CBARP: variants seen among roughly 807,000 people sequenced by gnomAD.
CBARP encodes the protein CACN subunit beta associated regulatory protein, also known as voltage-dependent calcium channel beta subunit-associated regulatory protein.
CBARP carries 24 observed loss-of-function variants against 36.3 expected under a neutral mutation model. The observed-to-expected ratio is 0.66, with a 90% CI of 0.48 to 0.93. CBARP has a LOEUF of 0.93. CBARP is among the 40% of genes least tolerant of loss of function. The pLI is 0.00. For synonymous variants in CBARP, 586 were observed against 453.2 expected (o/e 1.29, Z -3.72); for missense variants, 1,146 against 980.4 (o/e 1.17, Z -2.26).
chr19:1,229,478 C>T lies in CBARP; in HGVS notation c.1819G>A (p.Gly607Ser), dbSNP rs1177060018. 6.1e-6 allele frequency: 6 copies of T among 978,910 alleles called. No homozygotes were observed. The highest frequency in any genetic ancestry group is 3.5e-5 in the African/African-American group (2 of 56,456). The allele number at this position is 978,910 out of a possible 1,614,324, so 60.6% of individuals were successfully genotyped here. ...GGCGCACGCGCGGGTCGGGCCGCGCCGGCAGGCGGTGCCGGGGTTCCGGCC... is the reference window on the plus strand; with the variant it reads ...GGCGCACGCGCGGGTCGGGCCGCGCTGGCAGGCGGTGCCGGGGTTCCGGCC... ...ALAGTPAPPA[G>S]AARPARAPLR... Residue 607 changes from glycine to serine, a missense_variant, in exon 10 of 10, where the codon GGC becomes AGC. By Grantham distance (56) the Gly-to-Ser change is moderately conservative. Transcript: ENST00000650044. This position sits in a 1 kb window ranked among gnomAD's most constrained non-coding sequence, Gnocchi z 5.1.
At chr19:1,235,465 C>G (rs1468295449) in intron 4 of CBARP, 36 bp downstream of exon 4, 1 of 1,538,748 alleles carries the variant, frequency 6.5e-7, no homozygotes. Flanking sequence ...GGCGGATGGA[C>G]AGGCGAGCGC....
intron 9 of CBARP, 182 bp from the exon 10 acceptor site, chr19:1,230,324 C>T (rs1174774705): frequency 1.0e-6 from 1 of 986,800 alleles, no homozygotes; most frequent in Non-Finnish European, 1.2e-6. Context: ...TTGCATTGAC[C>T]CTGAGCTGTG....
rs747450849 is a variant in CBARP, at chr19:1,229,227, G to A, written c.2070C>T (p.Pro690=). 2 of 1,231,042 alleles carry A rather than the reference G, an allele frequency of 1.6e-6. No homozygotes were observed. Among genetic ancestry groups the A allele is most frequent in the South Asian group, 2.7e-5 (2 of 75,178 alleles). The allele number at this position is 1,231,042 out of a possible 1,614,324, so 76.3% of individuals were successfully genotyped here. A position where few individuals can be genotyped will look rare whatever the true frequency, so the allele number is the denominator to read the frequency against. ...PRLAEPVVAT[P]ALVAAAPTSP... is the part of the protein sequence containing the mutation. ...ACGTGGGGGCGGCGGCGACCAACGC[G>A]GGAGTCGCCACGACGGGCTCGGCGA... Residue 690 remains proline, a synonymous_variant, in exon 10 of 10, where the codon CCC becomes CCT. Coordinates refer to ENST00000650044, the MANE Select transcript of CBARP (RefSeq NM_001393918.1). This position sits in a 1 kb window ranked among gnomAD's most constrained non-coding sequence, Gnocchi z 5.1.
rs747124011 is a variant in CBARP at position 1,234,236 on chromosome 19, T to C, written c.723A>G (p.Ala241=). 2 of 1,504,774 alleles carry C rather than the reference T, an allele frequency of 1.3e-6. No homozygotes were observed. The highest frequency in any genetic ancestry group is 1.8e-6 in the Non-Finnish European group (2 of 1,129,196). The allele number at this position is 1,504,774 out of a possible 1,614,324, so 93.2% of individuals were successfully genotyped here. A position where few individuals can be genotyped will look rare whatever the true frequency, so the allele number is the denominator to read the frequency against. The stretch of plus-strand genomic sequence containing the variant: ...CGCTAGATGCCGAGGGGCTGATCTC[T>C]GCGAAGTCAGTGGCGCCCGCGGCTG... ...YNSAAGATDF[A]EISPSASSDS... Residue 241 remains alanine, a synonymous_variant, in exon 7 of 10, where the codon GCA becomes GCG. Transcript: ENST00000650044.
At chr19:1,234,941 G>A (rs1434876612) in intron 5 of CBARP, 60 bp downstream of exon 5, 11 of 1,555,784 alleles carry the variant, frequency 7.1e-6, no homozygotes, top group Middle Eastern at 2.2e-4. Context: ...CTCCTCCCCC[G>A]TCCCGGCGGC....
In CBARP at chr19:1,230,070, C is replaced by A; in HGVS notation, c.1227G>T (p.Gly409=). 1 of 1,135,728 alleles carries A rather than the reference C, an allele frequency of 8.8e-7. No individual in the cohort carries two copies. 70.4% of individuals were successfully genotyped at this position (1,135,728 alleles called of 1,614,324 possible). Residue 409 remains glycine (G), a synonymous_variant, in exon 10 of 10, where the codon GGG becomes GGT. Transcript: ENST00000650044. ...SPPERGAGSA[G]PEQQQPPLEP... Reference sequence around the variant, plus strand: ...CCAGTGGCGGCTGCTGCTGCTCAGGCCCCGCGCTGCCCGCGCCGCGCTCCG... The same window carrying A: ...CCAGTGGCGGCTGCTGCTGCTCAGGACCCGCGCTGCCCGCGCCGCGCTCCG...
At chr19:1,235,196 C>T (rs1288694467) in intron 4 of CBARP, 51 bp from the exon 5 acceptor site, 1 of 1,455,332 alleles carries the variant, frequency 6.9e-7, no homozygotes, top group Non-Finnish European at 9.1e-7. Flanking sequence ...ACGCCAGGCG[C>T]CTGGTCCCGG....
chr19:1,232,922 G>A (rs891096083), intron 8 of CBARP, among the ~76,000 whole-genome samples: 34 of 152,254 alleles, frequency 2.2e-4, no homozygotes, highest in African/African-American at 7.2e-4. Flanking sequence ...TCGTGTTAGA[G>A]GAAGTCAGAG....
rs1272481627 is a variant in CBARP, at chr19:1,236,092, G to A, written c.9C>T (p.Pro3=). The A allele has an allele frequency of 6.8e-7, 1 of 1,477,894 alleles. No individual in the cohort carries two copies. Among genetic ancestry groups the A allele is most frequent in the Non-Finnish European group, 8.9e-7 (1 of 1,118,236 alleles). The allele number at this position is 1,477,894 out of a possible 1,614,324, so 91.5% of individuals were successfully genotyped here. MQ[P]TATMATAATT... ...TGGCGGCTGTGGCCATGGTGGCTGT[G>A]GGCTGCATTCTGAACTGGGGAGGAG... Residue 3 remains proline, a synonymous_variant, in exon 2 of 10, where the codon CCC becomes CCT. Transcript: ENST00000650044.
chr19:1,228,612 C>G lies in CBARP; in HGVS notation c.*567G>C, dbSNP rs1282791583. On this transcript the variant is annotated 3_prime_UTR_variant, in exon 10 of 10. Coordinates refer to ENST00000650044, the MANE Select transcript of CBARP (RefSeq NM_001393918.1). ...TGCTCGGAGGCGGCGCGGGCTGCCG[C>G]CAGCACACGCCGCAGTGAGGTAAAC... The G allele has an allele frequency of 6.2e-6, 1 of 160,318 alleles. No homozygotes were observed. The allele number at this position is 160,318 out of a possible 1,614,324, so 9.9% of individuals were successfully genotyped here. A position where few individuals can be genotyped will look rare whatever the true frequency, so the allele number is the denominator to read the frequency against.
rs1222339206 is a variant in CBARP, at chr19:1,229,283, C to G, written c.2014G>C (p.Gly672Arg). The change falls in exon 10 of 10, where the codon GGC becomes CGC. Residue 672 changes from glycine to arginine, a missense_variant. By Grantham distance (125) the Gly-to-Arg change is moderately radical. Transcript: ENST00000650044. The surrounding 1 kb of genome is among the most constrained non-coding windows in gnomAD (Gnocchi z 5.1). ...GGCGGAAAGAGTCTCTCGTCGAGGC[C>G]AGCCGCCAGCTTGTCCAGCACCGAC... ...SGSVLDKLAA[G>R]LDERLFPPRL... The G allele has an allele frequency of 5.6e-6, 7 of 1,257,630 alleles. No individual in the cohort carries two copies. Among genetic ancestry groups the G allele is most frequent in the Non-Finnish European group, 7.2e-6 (7 of 977,380 alleles). The allele number at this position is 1,257,630 out of a possible 1,614,324, so 77.9% of individuals were successfully genotyped here. A position where few individuals can be genotyped will look rare whatever the true frequency, so the allele number is the denominator to read the frequency against.
At position 1,228,726 on chromosome 19, in the gene CBARP, C is replaced by A. The variant is rs958137560; in HGVS notation, c.*453G>T. ...GCGACCGTTAGCGCCCCGCGGCCCC[C>A]GCCCGGGCGAGCTCGCGCACGCGCC... is the stretch of plus-strand genomic sequence containing the variant. On this transcript the variant is annotated 3_prime_UTR_variant, in exon 10 of 10. Transcript: ENST00000650044. 3 of 147,864 alleles carry A rather than the reference C, an allele frequency of 2.0e-5. No individual in the cohort carries two copies. Among genetic ancestry groups the A allele is most frequent in the African/African-American group, 7.3e-5 (3 of 40,986 alleles). 9.2% of individuals were successfully genotyped at this position (147,864 alleles called of 1,614,324 possible). A position where few individuals can be genotyped will look rare whatever the true frequency, so the allele number is the denominator to read the frequency against.
chr19:1,232,826 CCT>C (rs139860562), intron 8 of CBARP, among the ~76,000 whole-genome samples: 3,769 of 152,366 alleles, frequency 0.025, 139 homozygotes, highest in African/African-American at 0.085. Flanking sequence ...GGAGACACAG[CCT>C]CTCTGACCAT....
Position 1,229,727 on chromosome 19 carries a change from C to T in CBARP, c.1570G>A (p.Ala524Thr). 1 of 984,276 alleles carries T rather than the reference C, an allele frequency of 1.0e-6. No homozygotes were observed. Among genetic ancestry groups the T allele is most frequent in the South Asian group, 4.2e-5 (1 of 23,684 alleles). 61.0% of individuals were successfully genotyped at this position (984,276 alleles called of 1,614,324 possible). The part of the protein sequence containing the change: ...GDDTEPPAAP[A>T]RPRSPRAWPR... ...CAGGCGCGCGGGCTGCGGGGCCGGG[C>T]GGGCGCGGCAGGTGGCTCGGTGTCG... is the stretch of plus-strand genomic sequence containing the variant. The change falls in exon 10 of 10, where the codon GCC becomes ACC. Residue 524 changes from alanine to threonine, a missense_variant. By Grantham distance (58) the Ala-to-Thr change is moderately conservative. Transcript: ENST00000650044. The surrounding 1 kb of genome is among the most constrained non-coding windows in gnomAD (Gnocchi z 5.1).
At chr19:1,232,084 G>T (rs1431419939) in intron 8 of CBARP, among the ~76,000 whole-genome samples, 1 of 152,084 alleles carries the variant, frequency 6.6e-6, no homozygotes, top group East Asian at 1.9e-4. Context: ...AGCGCTGGGG[G>T]ACTGCCCCAC....
chr19:1,235,348 CG>C (rs1438975896), intron 4 of CBARP, 152 bp downstream of exon 4: 2 of 1,080,914 alleles, frequency 1.9e-6, no homozygotes, highest in Non-Finnish European at 2.6e-6. Flanking sequence ...TACGCCTGGG[CG>C]TTAAGGAAAC....
Position 1,228,339 on chromosome 19 carries a change from C to T in CBARP, c.*840G>A, listed in dbSNP as rs1421272304. 2.0e-5 allele frequency: 5 copies of T among 248,846 alleles called. No homozygotes were observed. The highest frequency in any genetic ancestry group is 3.8e-5 in the Non-Finnish European group (5 of 132,850). The allele number at this position is 248,846 out of a possible 1,614,324, so 15.4% of individuals were successfully genotyped here. A position where few individuals can be genotyped will look rare whatever the true frequency, so the allele number is the denominator to read the frequency against. Reference sequence around the variant, plus strand: ...AAAAGAAAAACACGAGAAACGCCATCGCGGGATGGTGCAGACGCGGCGGGG... The same window carrying T: ...AAAAGAAAAACACGAGAAACGCCATTGCGGGATGGTGCAGACGCGGCGGGG... On this transcript the variant is annotated 3_prime_UTR_variant, in exon 10 of 10. Coordinates refer to ENST00000650044, the MANE Select transcript of CBARP (RefSeq NM_001393918.1).
At chr19:1,231,380 G>GC (rs1331550491) in intron 8 of CBARP, 105 bp from the exon 9 acceptor site, 78 of 1,367,994 alleles carry the variant, frequency 5.7e-5, no homozygotes, top group East Asian at 2.2e-4. Flanking sequence ...CAATGCCTGT[G>GC]CCCCCCCGCC....
rs1383403172 is a variant in CBARP, at chr19:1,228,296, A to G, written c.*883T>C. 2.6e-5 allele frequency: 7 copies of G among 270,032 alleles called. No individual in the cohort carries two copies. Among genetic ancestry groups the G allele is most frequent in the Admixed American group, 5.6e-5 (1 of 17,788 alleles). The allele number at this position is 270,032 out of a possible 1,614,324, so 16.7% of individuals were successfully genotyped here. On this transcript the variant is annotated 3_prime_UTR_variant, in exon 10 of 10. Coordinates refer to ENST00000650044, the MANE Select transcript of CBARP (RefSeq NM_001393918.1). ...CCGGAGCAAGCAGGAGTGTGCGGTC[A>G]ATATTTATATCATCCAGAAAAGAAA...
Sources: gnomAD v4.1 joint callset for allele counts (sites outside exome capture counted in the v4.1 genomes callset) on GRCh38, gnomAD v4.1.1 for gene constraint, Gnocchi (gnomAD v3.1) non-coding constraint, MANE v1.5 for transcripts, NCBI Gene and HGNC (gene_info 2026-07-23, HGNC 2026-07-21) for gene names.